The following CPNE8 variants were observed in gnomAD, a reference collection of about 807,000 sequenced individuals.
CPNE8 encodes copine-8.
A neutral mutation model predicts 81.5 loss-of-function variants in CPNE8; 45 were observed. The observed-to-expected ratio is 0.55, with a 90% CI of 0.44 to 0.71. The LOEUF (loss-of-function observed/expected upper bound fraction) is 0.71. Ranked by LOEUF, CPNE8 falls within the 30% of genes least tolerant of loss-of-function variation. The probability of loss-of-function intolerance (pLI) is 0.00; values close to 1 mark genes in which losing one functional copy is unlikely to be tolerated. For missense variants in CPNE8, 594 were observed against 672.1 expected (o/e 0.88, Z 1.28); for synonymous variants, 252 against 226.3 (o/e 1.11, Z -1.02).
chr12:38,787,817 T>C (rs1167442173), intron 6 of CPNE8, among the ~76,000 whole-genome samples: 1 of 151,712 alleles, frequency 6.6e-6, no homozygotes, highest in Non-Finnish European at 1.5e-5. Context: ...CATAAGCACC[T>C]ATATGCCAAT....
chr12:38,694,694 CACA>C (rs1939755406), intron 14 of CPNE8, among the ~76,000 whole-genome samples: 1 of 152,148 alleles, frequency 6.6e-6, no homozygotes, highest in South Asian at 2.1e-4. Context: ...CATTGAAATT[CACA>C]ACAAGTTGCC....
rs552013433 is a variant in CPNE8, at chr12:38,819,841, G to A, written c.407+9538C>T. On this transcript the variant is annotated intron_variant, in intron 6 of 19. Transcript: ENST00000331366. ...TTCCAAACACTCATTTTATCAGTGC[G>A]TTATAACTCAGACCAAGATAAGTGT... 6.6e-5 allele frequency among the ~76,000 whole-genome samples: 10 copies of A among 151,038 alleles called. No homozygotes were observed. The East Asian group carries it at 7.8e-4, about 12-fold the overall frequency.
intron 3 of CPNE8, among the ~76,000 whole-genome samples, chr12:38,854,691 C>CA (rs1417142028): frequency 6.6e-6 from 1 of 151,834 alleles, no homozygotes; most frequent in African/African-American, 2.4e-5. Flanking sequence ...TCAATGGAGC[C>CA]AAAAAGGCTT....
chr12:38,670,994 A>C, intron 18 of CPNE8, 192 bp from the exon 19 acceptor site: 1 of 499,578 alleles, frequency 2.0e-6, no homozygotes. Context: ...CAGACAAAGA[A>C]AGTGAACCAA....
chr12:38,810,077 T>C (rs184592791), intron 6 of CPNE8, among the ~76,000 whole-genome samples: 1 of 152,330 alleles, frequency 6.6e-6, no homozygotes, highest in Non-Finnish European at 1.5e-5. Context: ...TGAGTAGTTT[T>C]ATCAGCCTGT....
At chr12:38,806,240 C>T (rs10444549) in intron 6 of CPNE8, among the ~76,000 whole-genome samples, 128,155 of 149,860 alleles carry the variant, frequency 0.86, 57,820 homozygotes, top group East Asian at 1. Context: ...GGAATCCTCC[C>T]TAACTCATTT....
At chr12:38,675,360 CAG>C (rs1249233977) in intron 18 of CPNE8, among the ~76,000 whole-genome samples, 13 of 152,140 alleles carry the variant, frequency 8.5e-5, no homozygotes, top group Admixed American at 6.6e-5. Flanking sequence ...TTAGTGAACA[CAG>C]AGTGTGTTTT....
chr12:38,803,542 G>C lies in CPNE8; in HGVS notation c.407+25837C>G, dbSNP rs1305356850. Among the ~76,000 whole-genome samples the C allele has an allele frequency of 2.9e-5, 4 of 138,302 alleles. No homozygotes were observed. In the East Asian group the frequency reaches 9.4e-4, roughly 33 times the overall value. The allele number at this position is 138,302 out of a possible 152,430, so 90.7% of individuals were successfully genotyped here. ...AAGAGCTATCTATGACAAACCCACA[G>C]CCAATATCATACTGAATGGGCAAAA... On this transcript the variant is annotated intron_variant, in intron 6 of 19. Coordinates refer to ENST00000331366, the MANE Select transcript of CPNE8 (RefSeq NM_153634.3).
At chr12:38,668,039 T>A (rs1477996247) in intron 19 of CPNE8, among the ~76,000 whole-genome samples, 3 of 152,192 alleles carry the variant, frequency 2.0e-5, no homozygotes. Context: ...CCTCAGGTGA[T>A]CCTCCCGCCC....
chr12:38,734,005 T>G (rs2136773481), intron 10 of CPNE8, among the ~76,000 whole-genome samples: 1 of 120,640 alleles, frequency 8.3e-6, no homozygotes, highest in African/African-American at 2.9e-5. Context: ...CCAAGAAGTC[T>G]TTTTTGCTTC....
chr12:38,696,891 C>T (rs1388861277), intron 14 of CPNE8, among the ~76,000 whole-genome samples: 2 of 151,964 alleles, frequency 1.3e-5, no homozygotes, highest in East Asian at 3.9e-4. Context: ...ACAAAAAACA[C>T]ACAAATTAGC....
intron 3 of CPNE8, among the ~76,000 whole-genome samples, chr12:38,858,964 C>T (rs754108208): frequency 8.5e-5 from 13 of 152,142 alleles, no homozygotes; most frequent in Admixed American, 1.3e-4. Context: ...CATGTCAAAA[C>T]CATATACGTA....
intron 10 of CPNE8, among the ~76,000 whole-genome samples, chr12:38,738,620 T>A (rs2136785670): frequency 6.6e-6 from 1 of 152,256 alleles, no homozygotes; most frequent in South Asian, 2.1e-4. Context: ...ATCCTTGACA[T>A]CGATTTTATT....
At chr12:38,741,805 A>T (rs555923777) in intron 10 of CPNE8, among the ~76,000 whole-genome samples, 26 of 138,274 alleles carry the variant, frequency 1.9e-4, no homozygotes, top group African/African-American at 6.4e-4. Context: ...GAATCTACAA[A>T]GAACTCAAAC....
chr12:38,760,932 C>A, intron 9 of CPNE8, 44 bp from the exon 10 acceptor site: 1 of 1,338,024 alleles, frequency 7.5e-7, no homozygotes, highest in Non-Finnish European at 1.0e-6. Flanking sequence ...TTAGTAAGAT[C>A]AAAATAATGT....
chr12:38,734,536 T>C (rs1940909783), intron 10 of CPNE8, among the ~76,000 whole-genome samples: 1 of 152,032 alleles, frequency 6.6e-6, no homozygotes, highest in Admixed American at 6.6e-5. Context: ...CTGACATTTA[T>C]CTAGTTTTGC....
At chr12:38,738,820 T>TA (rs1258005135) in intron 10 of CPNE8, among the ~76,000 whole-genome samples, 18 of 77,222 alleles carry the variant, frequency 2.3e-4, no homozygotes, top group Non-Finnish European at 5.3e-4. Context: ...TTTTTTTTTC[T>TA]TTTTTTTTTT....
intron 19 of CPNE8, among the ~76,000 whole-genome samples, chr12:38,655,342 A>G (rs1027170438): frequency 6.6e-6 from 1 of 152,178 alleles, no homozygotes; most frequent in African/African-American, 2.4e-5. Context: ...GTTTGAGGGC[A>G]TTAGTTCAAT....
At chr12:38,906,587 G>C, upstream of CPNE8, 1 of 985,582 alleles carries the variant, frequency 1.0e-6, no homozygotes, top group Non-Finnish European at 1.2e-6. Flanking sequence ...ACTGAGACCT[G>C]ACGGATAAAA....
Sources: allele counts gnomAD v4.1 joint callset (sites outside exome capture counted in the v4.1 genomes callset), GRCh38; gene constraint gnomAD v4.1.1; transcripts MANE v1.5; gene names NCBI Gene and HGNC (gene_info 2026-07-23, HGNC 2026-07-21).